Variants in CCDC73 observed in about 807,000 individuals in gnomAD.
The protein encoded by CCDC73 is coiled-coil domain containing 73.
Under a neutral mutation model 116.5 loss-of-function variants are expected in CCDC73, and 95 were observed. That is an observed-to-expected ratio of 0.82 (90% CI 0.69 to 0.97). The LOEUF (loss-of-function observed/expected upper bound fraction) is 0.97. Ranked by LOEUF, CCDC73 falls within the 50% of genes least tolerant of loss-of-function variation. The probability of loss-of-function intolerance (pLI) is 0.00; values close to 1 mark genes in which losing one functional copy is unlikely to be tolerated. For synonymous variants in CCDC73, 398 were observed against 401.3 expected (o/e 0.99, Z 0.10); for missense variants, 1,066 against 1,206.8 (o/e 0.88, Z 1.73).
At chr11:32,718,853 G>A (rs1460730882) in intron 2 of CCDC73, among the ~76,000 whole-genome samples, 1 of 152,156 alleles carries the variant, frequency 6.6e-6, no homozygotes, top group Non-Finnish European at 1.5e-5. Flanking sequence ...CTTTCATTGT[G>A]GGAGGGGCAG....
chr11:32,759,419 C>T (rs1850371897), intron 2 of CCDC73, among the ~76,000 whole-genome samples: 2 of 151,338 alleles, frequency 1.3e-5, no homozygotes, highest in Non-Finnish European at 2.9e-5. Context: ...CAACCTCCAC[C>T]TCCTGGGTTC....
chr11:32,613,810 C>T lies in CCDC73; in HGVS notation c.2508G>A (p.Gln836=). The T allele has an allele frequency of 1.2e-6, 2 of 1,613,634 alleles. No individual in the cohort carries two copies. The highest frequency in any genetic ancestry group is 1.7e-6 in the Non-Finnish European group (2 of 1,179,914). ...TCTCTGTATTATTTAACAATGTATG[C>T]TGTCTTTCATTAATGCTCACAAAAA... ...LFLFVSINER[Q]HTLLNNTEKT... is the part of the protein sequence containing the mutation. The change falls in exon 16 of 18, where the codon CAG becomes CAA. Residue 836 remains glutamine (Q), a synonymous_variant. Transcript: ENST00000335185.
At chr11:32,755,679 ATC>A (rs1850331691) in intron 2 of CCDC73, among the ~76,000 whole-genome samples, 1 of 61,722 alleles carries the variant, frequency 1.6e-5, no homozygotes, top group Non-Finnish European at 2.9e-5. Context: ...GTATATATAT[ATC>A]TCCATATATA....
intron 7 of CCDC73, among the ~76,000 whole-genome samples, chr11:32,679,496 T>C (rs1320224589): frequency 1.3e-5 from 2 of 152,116 alleles, no homozygotes; most frequent in African/African-American, 4.8e-5. Flanking sequence ...CCCGAGTAGC[T>C]AGGACTACAG....
chr11:32,722,724 G>A (rs963776708), intron 2 of CCDC73, among the ~76,000 whole-genome samples: 1 of 152,118 alleles, frequency 6.6e-6, no homozygotes, highest in Non-Finnish European at 1.5e-5. Flanking sequence ...TCATCATGTA[G>A]GTCTGGTTCT....
intron 2 of CCDC73, among the ~76,000 whole-genome samples, chr11:32,739,811 G>C (rs1850167682): frequency 6.6e-6 from 1 of 152,098 alleles, no homozygotes; most frequent in South Asian, 2.1e-4. Flanking sequence ...TATAATACTA[G>C]CTCTTGGTCT....
At chr11:32,734,384 C>G (rs1334858520) in intron 2 of CCDC73, among the ~76,000 whole-genome samples, 1 of 150,104 alleles carries the variant, frequency 6.7e-6, no homozygotes, top group African/African-American at 2.4e-5. Flanking sequence ...CTATTCCAAT[C>G]AATAGAAAAA....
chr11:32,709,689 T>C (rs1412024803), intron 3 of CCDC73, among the ~76,000 whole-genome samples: 1 of 152,324 alleles, frequency 6.6e-6, no homozygotes, highest in East Asian at 1.9e-4. Flanking sequence ...TATTATGTCC[T>C]TGCCTGGTTT....
At chr11:32,678,942 CACATT>C (rs1359846743) in intron 7 of CCDC73, among the ~76,000 whole-genome samples, 1 of 151,204 alleles carries the variant, frequency 6.6e-6, no homozygotes, top group African/African-American at 2.4e-5. Context: ...ACGAAGAACA[CACATT>C]ACAATTTAAG....
At chr11:32,829,906 A>T in the CCDC73 span, 1 of 985,526 alleles carries the variant, frequency 1.0e-6, no homozygotes, top group Non-Finnish European at 1.2e-6. Context: ...AGGTGTCCCC[A>T]GGTAGCCGCC....
chr11:32,807,981 CA>C, the CCDC73 span, among the ~76,000 whole-genome samples: 1 of 151,844 alleles, frequency 6.6e-6, no homozygotes, highest in Non-Finnish European at 1.5e-5. Flanking sequence ...CCATAAGATC[CA>C]AGAATAAATT....
chr11:32,710,991 CAG>C (rs1282012630), intron 3 of CCDC73, among the ~76,000 whole-genome samples: 1 of 151,960 alleles, frequency 6.6e-6, no homozygotes, highest in Non-Finnish European at 1.5e-5. Context: ...GAACAATATC[CAG>C]AGTCTTAAAA....
chr11:32,675,518 T>G, intron 9 of CCDC73, 47 bp downstream of exon 9: 1 of 1,212,930 alleles, frequency 8.2e-7, no homozygotes, highest in South Asian at 1.4e-5. Flanking sequence ...TAAGACTATT[T>G]TATATTATAA....
intron 6 of CCDC73, among the ~76,000 whole-genome samples, chr11:32,695,732 T>C (rs1361833870): frequency 6.6e-6 from 1 of 151,490 alleles, no homozygotes; most frequent in African/African-American, 2.4e-5. Context: ...TTTCGTTGTT[T>C]GTTGCATTGA....
At chr11:32,738,217 C>A (rs771718541) in intron 2 of CCDC73, among the ~76,000 whole-genome samples, 24 of 152,144 alleles carry the variant, frequency 1.6e-4, no homozygotes, top group Non-Finnish European at 2.9e-4. Flanking sequence ...GGGTATATAC[C>A]TAGTGGTGGG....
intron 2 of CCDC73, among the ~76,000 whole-genome samples, chr11:32,750,666 A>G (rs1850280645): frequency 6.6e-6 from 1 of 152,042 alleles, no homozygotes; most frequent in African/African-American, 2.4e-5. Flanking sequence ...ACTGATGTTC[A>G]CTTAAGGCCC....
intron 2 of CCDC73, among the ~76,000 whole-genome samples, chr11:32,732,232 G>A (rs1337380300): frequency 2.6e-5 from 4 of 152,162 alleles, no homozygotes; most frequent in African/African-American, 7.2e-5. Flanking sequence ...AGAGTAAAAC[G>A]AAATGAGCAA....
At chr11:32,830,065 G>T in the CCDC73 span, 2 of 987,994 alleles carry the variant, frequency 2.0e-6, no homozygotes, top group Non-Finnish European at 2.4e-6. Context: ...GGCCCGGAGC[G>T]TCGCCGAGGT....
At chr11:32,654,184 T>C (rs1023647228) in intron 10 of CCDC73, 147 bp from the exon 11 acceptor site, 1 of 783,504 alleles carries the variant, frequency 1.3e-6, no homozygotes, top group Non-Finnish European at 1.9e-6. Flanking sequence ...TATTTGTATG[T>C]TTGTTTTGAG....
Sources: allele counts gnomAD v4.1 joint callset (sites outside exome capture counted in the v4.1 genomes callset), GRCh38; gene constraint gnomAD v4.1.1; transcripts MANE v1.5; gene names NCBI Gene and HGNC (gene_info 2026-07-23, HGNC 2026-07-21).